Variants in ARHGAP15 observed in about 807,000 individuals in gnomAD.
ARHGAP15 encodes the protein Rho GTPase activating protein 15, also known as rho GTPase-activating protein 15.
Under a neutral mutation model 63.7 loss-of-function variants are expected in ARHGAP15, and 51 were observed. The observed-to-expected ratio is 0.80, with a 90% CI of 0.64 to 1.01. The LOEUF (loss-of-function observed/expected upper bound fraction) is 1.01, where lower values mean the gene tolerates loss of function less well. Among genes scored for constraint, ARHGAP15 ranks in the 50% least tolerant of loss-of-function variants. The pLI is 0.00. For synonymous variants in ARHGAP15, 191 were observed against 193.8 expected (o/e 0.99, Z 0.12); for missense variants, 560 against 564.6 (o/e 0.99, Z 0.08).
chr2:143,304,308 C>T (rs1046232832), intron 6 of ARHGAP15, among the ~76,000 whole-genome samples: 1 of 152,098 alleles, frequency 6.6e-6, no homozygotes, highest in Non-Finnish European at 1.5e-5. Flanking sequence ...TCTGTAGGGA[C>T]ATGGATGAAG....
At chr2:143,759,715 T>G (rs1247644648) in intron 13 of ARHGAP15, among the ~76,000 whole-genome samples, 1 of 152,144 alleles carries the variant, frequency 6.6e-6, no homozygotes, top group Admixed American at 6.6e-5. Flanking sequence ...TCCCCTGATA[T>G]GTGCACCTCG....
At chr2:143,247,919 C>T (rs1431524185) in intron 5 of ARHGAP15, among the ~76,000 whole-genome samples, 1 of 152,136 alleles carries the variant, frequency 6.6e-6, no homozygotes, top group East Asian at 1.9e-4. Flanking sequence ...CCTTCCAAAG[C>T]ACAAAAGCTA....
At chr2:143,682,143 A>T (rs1190807001) in intron 12 of ARHGAP15, among the ~76,000 whole-genome samples, 2 of 152,206 alleles carry the variant, frequency 1.3e-5, no homozygotes. Flanking sequence ...GTGCACTAAG[A>T]TACATTTTAA....
At chr2:143,224,089 C>T (rs1265223677) in intron 4 of ARHGAP15, among the ~76,000 whole-genome samples, 1 of 152,148 alleles carries the variant, frequency 6.6e-6, no homozygotes, top group Non-Finnish European at 1.5e-5. Context: ...TCACATAGTG[C>T]ATATAAAATG....
intron 6 of ARHGAP15, among the ~76,000 whole-genome samples, chr2:143,334,096 G>T (rs1684666413): frequency 6.6e-6 from 1 of 152,182 alleles, no homozygotes; most frequent in Admixed American, 6.5e-5. Flanking sequence ...TATCAAGCAG[G>T]ATCCTAGTTG....
At chr2:143,729,623 C>T (rs932064966) in intron 13 of ARHGAP15, among the ~76,000 whole-genome samples, 1 of 152,128 alleles carries the variant, frequency 6.6e-6, no homozygotes, top group Admixed American at 6.5e-5. Flanking sequence ...GTAGTAGGTG[C>T]TCAATAAATA....
At chr2:143,317,889 T>C (rs1683794219) in intron 6 of ARHGAP15, among the ~76,000 whole-genome samples, 1 of 152,204 alleles carries the variant, frequency 6.6e-6, no homozygotes, top group South Asian at 2.1e-4. Context: ...ATTAATAACA[T>C]TAAGTTTCAG....
At chr2:143,261,585 G>A (rs1167909341) in intron 6 of ARHGAP15, among the ~76,000 whole-genome samples, 1 of 151,740 alleles carries the variant, frequency 6.6e-6, no homozygotes, top group African/African-American at 2.4e-5. Context: ...CTGATCTCAG[G>A]TGATTACCAG....
rs1271248876 is a variant in ARHGAP15, at chr2:143,667,145, C to G, written c.1139-36274C>G. Among the ~76,000 whole-genome samples the G allele has an allele frequency of 1.7e-3, 252 of 150,480 alleles. 2 individuals are homozygous for G. Among genetic ancestry groups the G allele is most frequent in the African/African-American group, 5.9e-3 (241 of 40,760 alleles). On this transcript the variant is annotated intron_variant, in intron 12 of 13. Transcript: ENST00000295095. ...CGTATGTTTATTGTGGCATTATTCA[C>G]AATAGCAAAGACTTGGAACCAACCC... is the stretch of plus-strand genomic sequence containing the variant.
In ARHGAP15 at chr2:143,442,468, C is replaced by T. The variant is rs138900389; in HGVS notation, c.703+5426C>T. 1.6e-3 allele frequency among the ~76,000 whole-genome samples: 238 copies of T among 152,150 alleles called. 1 individual carries two copies. Among genetic ancestry groups the T allele is most frequent in the African/African-American group, 5.7e-3 (236 of 41,512 alleles). ...TCTCCACCAAAGCGATTAGGAGACT[C>T]AGAATGGCTTTTGCTTTTGCTAGGA... On this transcript the variant is annotated intron_variant, in intron 8 of 13. Transcript: ENST00000295095.
chr2:143,211,325 G>C (rs1021309418), intron 3 of ARHGAP15, among the ~76,000 whole-genome samples: 1 of 136,626 alleles, frequency 7.3e-6, no homozygotes, highest in African/African-American at 2.7e-5. Context: ...TCTATGAATA[G>C]TGGAGAAGTA....
intron 6 of ARHGAP15, chr2:143,351,503 A>G (rs921172898): frequency 3.9e-5 from 6 of 152,226 alleles, no homozygotes; most frequent in Admixed American, 1.3e-4. Context: ...AAATGCTTCA[A>G]TGGACAAAGT....
At chr2:143,152,282 C>T (rs1689857715) in intron 1 of ARHGAP15, among the ~76,000 whole-genome samples, 1 of 151,992 alleles carries the variant, frequency 6.6e-6, no homozygotes, top group Non-Finnish European at 1.5e-5. Flanking sequence ...TGACATATGT[C>T]AATACCTACC....
At chr2:143,328,788 G>A (rs1238772170) in intron 6 of ARHGAP15, among the ~76,000 whole-genome samples, 2 of 152,112 alleles carry the variant, frequency 1.3e-5, no homozygotes, top group African/African-American at 2.4e-5. Flanking sequence ...GCTGACTATA[G>A]TCAACAATAA....
intron 5 of ARHGAP15, among the ~76,000 whole-genome samples, chr2:143,246,545 G>A (rs193272162): frequency 3.5e-4 from 53 of 152,120 alleles, no homozygotes; most frequent in Admixed American, 1.6e-3. Flanking sequence ...CCCAGCTGAA[G>A]AAGGTAGACA....
chr2:143,446,501 C>T (rs1307042573), intron 8 of ARHGAP15, among the ~76,000 whole-genome samples: 5 of 151,936 alleles, frequency 3.3e-5, no homozygotes, highest in Admixed American at 2.0e-4. Flanking sequence ...TATCCTTTTA[C>T]CTTTTGTTTT....
intron 10 of ARHGAP15, among the ~76,000 whole-genome samples, chr2:143,538,694 A>G (rs923908019): frequency 7.9e-5 from 12 of 152,206 alleles, no homozygotes; most frequent in South Asian, 6.2e-4. Flanking sequence ...ATTGATTTTC[A>G]TATGTTGAAC....
intron 13 of ARHGAP15, among the ~76,000 whole-genome samples, chr2:143,707,539 G>C (rs1684385617): frequency 6.6e-6 from 1 of 152,214 alleles, no homozygotes; most frequent in Non-Finnish European, 1.5e-5. Context: ...ATATGCTGCT[G>C]GTTGGGATGG....
chr2:143,646,113 G>T (rs1423497860), intron 12 of ARHGAP15, among the ~76,000 whole-genome samples: 1 of 152,060 alleles, frequency 6.6e-6, no homozygotes, highest in Non-Finnish European at 1.5e-5. Context: ...GAAATTCACA[G>T]TCCAGCAGGG....
Sources: allele counts gnomAD v4.1 joint callset (sites outside exome capture counted in the v4.1 genomes callset), GRCh38; gene constraint gnomAD v4.1.1; transcripts MANE v1.5; gene names NCBI Gene and HGNC (gene_info 2026-07-23, HGNC 2026-07-21).